Variants in SCFD2 observed in about 807,000 individuals in gnomAD.
The protein encoded by SCFD2 is sec1 family domain containing 2.
SCFD2 carries 54 observed loss-of-function variants against 58.9 expected under a neutral mutation model. The observed-to-expected ratio is 0.92, with a 90% confidence interval of 0.74 to 1.15. SCFD2 has a LOEUF of 1.15. Ranked by LOEUF, SCFD2 falls within the 50% of genes most tolerant of loss-of-function variation. The pLI is 0.00. For missense variants in SCFD2, 805 were observed against 836.6 expected (o/e 0.96, Z 0.47); for synonymous variants, 321 against 335.9 (o/e 0.96, Z 0.49).
chr4:53,221,031 G>T (rs1158123396), intron 4 of SCFD2, among the ~76,000 whole-genome samples: 1 of 152,188 alleles, frequency 6.6e-6, no homozygotes, highest in East Asian at 1.9e-4. Context: ...AAGGTAATAA[G>T]CAGCAGAGTA....
intron 4 of SCFD2, among the ~76,000 whole-genome samples, chr4:53,236,850 TTA>T (rs1257795764): frequency 3.3e-5 from 5 of 150,198 alleles, no homozygotes; most frequent in African/African-American, 9.8e-5. Flanking sequence ...ATTTATTTAT[TTA>T]TTTTTTATTG....
At chr4:53,260,409 G>C (rs965492815) in intron 4 of SCFD2, among the ~76,000 whole-genome samples, 10 of 152,134 alleles carry the variant, frequency 6.6e-5, no homozygotes, top group Admixed American at 5.9e-4. Flanking sequence ...TCCCTTCTAT[G>C]CTGATTTTGC....
chr4:53,363,988 G>C (rs1352879949), intron 1 of SCFD2, among the ~76,000 whole-genome samples: 10 of 151,942 alleles, frequency 6.6e-5, no homozygotes, highest in African/African-American at 2.4e-4. Context: ...CTACATTTTT[G>C]GCATAAAGAG....
At chr4:53,320,589 C>T (rs970778854) in intron 2 of SCFD2, among the ~76,000 whole-genome samples, 4 of 152,180 alleles carry the variant, frequency 2.6e-5, no homozygotes, top group South Asian at 2.1e-4. Context: ...TGCACTCCAG[C>T]CTGGGAGAGA....
intron 3 of SCFD2, among the ~76,000 whole-genome samples, chr4:53,283,091 G>A (rs1731555134): frequency 6.6e-6 from 1 of 152,146 alleles, no homozygotes; most frequent in Non-Finnish European, 1.5e-5. Flanking sequence ...TTTTACGTAT[G>A]TATATATCCA....
chr4:53,000,564 A>C (rs1314467917), intron 5 of SCFD2, among the ~76,000 whole-genome samples: 2 of 152,216 alleles, frequency 1.3e-5, no homozygotes, highest in Non-Finnish European at 2.9e-5. Flanking sequence ...CAGAGGAGCC[A>C]GGGGATCCAT....
intron 4 of SCFD2, among the ~76,000 whole-genome samples, chr4:53,229,435 G>A (rs1729353829): frequency 6.6e-6 from 1 of 152,092 alleles, no homozygotes; most frequent in Non-Finnish European, 1.5e-5. Context: ...ATAGACCAAT[G>A]GAACAGAACA....
chr4:53,090,282 T>C (rs1196251355), intron 5 of SCFD2, among the ~76,000 whole-genome samples: 4 of 152,182 alleles, frequency 2.6e-5, no homozygotes, highest in Non-Finnish European at 5.9e-5. Flanking sequence ...CACAAACAGT[T>C]GGGCTTTCTA....
At chr4:53,300,566 C>G (rs1228486551) in intron 3 of SCFD2, among the ~76,000 whole-genome samples, 1 of 152,052 alleles carries the variant, frequency 6.6e-6, no homozygotes, top group Non-Finnish European at 1.5e-5. Flanking sequence ...CAAGGATACC[C>G]AGGAATTGAA....
intron 4 of SCFD2, among the ~76,000 whole-genome samples, chr4:53,211,241 GAAA>G (rs55830697): frequency 7.0e-6 from 1 of 142,010 alleles, no homozygotes. Flanking sequence ...GACTCCATGT[GAAA>G]AAAAAAAAAA....
At chr4:53,323,384 GT>G (rs1057276598) in intron 2 of SCFD2, among the ~76,000 whole-genome samples, 35 of 152,072 alleles carry the variant, frequency 2.3e-4, no homozygotes, top group African/African-American at 7.5e-4. Flanking sequence ...TTTTGTTGTT[GT>G]TTTTTTGGGA....
At chr4:53,233,237 C>G (rs1729494651) in intron 4 of SCFD2, among the ~76,000 whole-genome samples, 3 of 152,076 alleles carry the variant, frequency 2.0e-5, no homozygotes, top group Non-Finnish European at 4.4e-5. Context: ...AAAATCCTAG[C>G]ACCACTGGGG....
chr4:53,250,264 A>C (rs568664073), intron 4 of SCFD2, among the ~76,000 whole-genome samples: 3 of 152,334 alleles, frequency 2.0e-5, no homozygotes, highest in Admixed American at 2.0e-4. Context: ...TCCTAAATAT[A>C]TATGCACCCA....
chr4:53,105,891 C>T (rs571837602), intron 5 of SCFD2, among the ~76,000 whole-genome samples: 98 of 151,476 alleles, frequency 6.5e-4, no homozygotes, highest in South Asian at 6.4e-3. Flanking sequence ...CCCCCCGCCT[C>T]CTGACTGGGA....
rs140094749 is a variant in SCFD2, at chr4:53,017,299, C to T, written c.1562-96429G>A. 8.2e-3 allele frequency among the ~76,000 whole-genome samples: 1,248 copies of T among 151,998 alleles called. 14 individuals carry two copies. The highest frequency in any genetic ancestry group is 0.028 in the African/African-American group (1,173 of 41,414). ...TCTTCACCCACTAGAAATAAACGTG[C>T]GAAACATTCAAATCACATATGAAAA... On this transcript the variant is annotated intron_variant, in intron 5 of 8. Coordinates refer to ENST00000401642, the MANE Select transcript of SCFD2 (RefSeq NM_152540.4).
At chr4:53,287,340 G>A (rs1333451468) in intron 3 of SCFD2, among the ~76,000 whole-genome samples, 4 of 152,088 alleles carry the variant, frequency 2.6e-5, no homozygotes, top group African/African-American at 9.7e-5. Flanking sequence ...AGAAGGATAC[G>A]CTCAGCTAAG....
intron 5 of SCFD2, among the ~76,000 whole-genome samples, chr4:52,934,012 C>T (rs1030435616): frequency 6.6e-6 from 1 of 152,088 alleles, no homozygotes; most frequent in Non-Finnish European, 1.5e-5. Flanking sequence ...GTCTCCAGAA[C>T]CATAAATGGA....
intron 3 of SCFD2, among the ~76,000 whole-genome samples, chr4:53,304,103 A>T (rs1174601323): frequency 0.013 from 4 of 310 alleles, no homozygotes; most frequent in African/African-American, 0.013. Flanking sequence ...AAATAATAAT[A>T]AAAAAAAAAA....
chr4:52,973,003 G>A (rs1287840724), intron 5 of SCFD2, among the ~76,000 whole-genome samples: 26 of 152,202 alleles, frequency 1.7e-4, no homozygotes, highest in Non-Finnish European at 2.5e-4. Context: ...GAATCTCTGG[G>A]ACACATTCAA....
Sources: gnomAD v4.1 joint callset for allele counts (sites outside exome capture counted in the v4.1 genomes callset) on GRCh38, gnomAD v4.1.1 for gene constraint, MANE v1.5 for transcripts, NCBI Gene and HGNC (gene_info 2026-07-23, HGNC 2026-07-21) for gene names.